CNBD1: variants seen among roughly 807,000 people sequenced by gnomAD.
CNBD1 encodes the protein cyclic nucleotide binding domain containing 1, also known as cyclic nucleotide-binding domain-containing protein 1.
A neutral mutation model predicts 54.4 loss-of-function variants in CNBD1; 71 were observed. That is an observed-to-expected ratio of 1.30 (90% CI 1.08 to 1.59). The LOEUF is 1.59. CNBD1 is among the 40% of genes most tolerant of loss of function. The pLI, the probability that CNBD1 is intolerant of heterozygous loss-of-function variation, is 0.00. For missense variants in CNBD1, 659 were observed against 518.0 expected (o/e 1.27, Z -2.64); for synonymous variants, 182 against 170.7 (o/e 1.07, Z -0.51).
chr8:87,052,832 G>T (rs1410436820), intron 4 of CNBD1, among the ~76,000 whole-genome samples: 2 of 152,146 alleles, frequency 1.3e-5, no homozygotes, highest in African/African-American at 2.4e-5. Context: ...ATATATCAGG[G>T]TCATCAGAGA....
At chr8:86,897,493 G>T (rs1808864306) in intron 2 of CNBD1, among the ~76,000 whole-genome samples, 1 of 152,108 alleles carries the variant, frequency 6.6e-6, no homozygotes, top group African/African-American at 2.4e-5. Flanking sequence ...GGCTAGAACT[G>T]CTAAGAAGGG....
chr8:87,099,163 T>G (rs967751752), intron 4 of CNBD1, among the ~76,000 whole-genome samples: 5 of 151,694 alleles, frequency 3.3e-5, no homozygotes, highest in African/African-American at 1.2e-4. Context: ...ATCAGCGCTA[T>G]TGTAGAAAAT....
chr8:87,325,988 G>A (rs1163369710), intron 8 of CNBD1, among the ~76,000 whole-genome samples: 1 of 105,860 alleles, frequency 9.4e-6, no homozygotes, highest in Non-Finnish European at 2.1e-5. Context: ...AGCTCTTTTA[G>A]GGCAGGCCTG....
chr8:87,183,620 G>A (rs527386245), intron 4 of CNBD1, among the ~76,000 whole-genome samples: 13 of 152,158 alleles, frequency 8.5e-5, no homozygotes, highest in Non-Finnish European at 1.8e-4. Flanking sequence ...TTTTAGAGTT[G>A]CCAGAATTCT....
At chr8:87,314,107 CT>C (rs993504684) in intron 8 of CNBD1, among the ~76,000 whole-genome samples, 6 of 150,568 alleles carry the variant, frequency 4.0e-5, no homozygotes, top group Admixed American at 1.3e-4. Context: ...GATGCCAATG[CT>C]TTTTTTTTCT....
intron 4 of CNBD1, among the ~76,000 whole-genome samples, chr8:87,028,321 C>A (rs999884783): frequency 6.6e-6 from 1 of 152,184 alleles, no homozygotes; most frequent in Admixed American, 6.5e-5. Context: ...GAGACAGAAA[C>A]TTGCTTCCAG....
chr8:86,875,641 T>C (rs1307524797), intron 1 of CNBD1, among the ~76,000 whole-genome samples: 2 of 152,162 alleles, frequency 1.3e-5, no homozygotes, highest in Non-Finnish European at 2.9e-5. Context: ...TTTGTAGCAC[T>C]AGTATATATC....
rs1160902772 is a variant in CNBD1 at position 87,103,518 on chromosome 8, G to A, written c.432-102475G>A. On this transcript the variant is annotated intron_variant, in intron 4 of 10. Coordinates refer to ENST00000518476, the MANE Select transcript of CNBD1 (RefSeq NM_173538.3). ...ACTCACAGTTCTGCAGGGCTAGAGA[G>A]GCCTCAGAAAACTTACAGTCACGGC... 8.5e-5 allele frequency among the ~76,000 whole-genome samples: 13 copies of A among 152,290 alleles called. No individual in the cohort carries two copies. In the East Asian group the frequency reaches 2.3e-3, roughly 27 times the overall value.
In CNBD1 at chr8:86,887,532, T is replaced by C; in HGVS notation, c.89-10T>C. The C allele has an allele frequency of 6.5e-7, 1 of 1,534,228 alleles. No homozygotes were observed. The highest frequency in any genetic ancestry group is 8.8e-7 in the Non-Finnish European group (1 of 1,133,676). On this transcript the variant is annotated splice_polypyrimidine_tract_variant and intron_variant, in intron 1 of 10. Coordinates refer to ENST00000518476, the MANE Select transcript of CNBD1 (RefSeq NM_173538.3). ...AAAATTACTCAAATTTTTAATTGAT[T>C]TTTTTTCAGACTTGAAAAAGTCTAA...
At chr8:87,170,594 C>T (rs957397005) in intron 4 of CNBD1, among the ~76,000 whole-genome samples, 4 of 152,022 alleles carry the variant, frequency 2.6e-5, no homozygotes, top group African/African-American at 7.2e-5. Context: ...GTCTGTCATA[C>T]GTGGCTTTCA....
rs142036396 is a variant in CNBD1, at chr8:86,888,361, G to A, written c.158+750G>A. 7.7e-3 allele frequency among the ~76,000 whole-genome samples: 1,167 copies of A among 152,178 alleles called. 13 individuals are homozygous for A. Among genetic ancestry groups the A allele is most frequent in the African/African-American group, 0.026 (1,083 of 41,518 alleles). ...ATATTGCTTGGATTTCTGTCAAGAG[G>A]GATCATTTTCCCCTGTGCATTGCTG... is the stretch of plus-strand genomic sequence containing the variant. On this transcript the variant is annotated intron_variant, in intron 2 of 10. Transcript: ENST00000518476.
At chr8:87,412,614 A>G (rs1807766482) in intron 2 of CNBD1, among the ~76,000 whole-genome samples, 1 of 152,120 alleles carries the variant, frequency 6.6e-6, no homozygotes, top group South Asian at 2.1e-4. Flanking sequence ...CTATGTTTTC[A>G]CATTTGTGTT....
At chr8:87,312,435 A>G (rs1407161714) in intron 8 of CNBD1, among the ~76,000 whole-genome samples, 3 of 152,044 alleles carry the variant, frequency 2.0e-5, no homozygotes, top group Non-Finnish European at 4.4e-5. Flanking sequence ...TCCCAAACAC[A>G]TGTTAATTCA....
intron 10 of CNBD1, among the ~76,000 whole-genome samples, chr8:87,381,850 G>A (rs533540098): frequency 6.6e-6 from 1 of 151,904 alleles, no homozygotes; most frequent in East Asian, 1.9e-4. Flanking sequence ...TTGAGGCATG[G>A]GAAATGGGAA....
chr8:87,284,414 C>T (rs182650702), intron 6 of CNBD1, among the ~76,000 whole-genome samples: 1 of 152,116 alleles, frequency 6.6e-6, no homozygotes, highest in Admixed American at 6.6e-5. Context: ...TGCTATATTC[C>T]AAGCACTCTA....
intron 2 of CNBD1, among the ~76,000 whole-genome samples, chr8:87,403,104 G>A (rs1455509171): frequency 6.7e-6 from 1 of 149,926 alleles, no homozygotes; most frequent in Non-Finnish European, 1.5e-5. Flanking sequence ...AAAATTGGTG[G>A]AATTAGAAGC....
intron 4 of CNBD1, among the ~76,000 whole-genome samples, chr8:87,039,010 G>A (rs1276644485): frequency 3.3e-5 from 5 of 152,120 alleles, no homozygotes; most frequent in Non-Finnish European, 7.4e-5. Context: ...GCTGTTAGCA[G>A]AACTCAGAAA....
chr8:87,091,283 T>G (rs1248499518), intron 4 of CNBD1, among the ~76,000 whole-genome samples: 1 of 152,200 alleles, frequency 6.6e-6, no homozygotes, highest in Non-Finnish European at 1.5e-5. Context: ...GCCTAATTCT[T>G]ACATAGGTTA....
At chr8:87,428,500 T>G (rs539511147) in intron 2 of CNBD1, 1 of 391,228 alleles carries the variant, frequency 2.6e-6, no homozygotes, top group African/African-American at 2.2e-5. Context: ...TTTATGAAGA[T>G]TATTTTTTTA....
Sources: gnomAD v4.1 joint callset for allele counts (sites outside exome capture counted in the v4.1 genomes callset) on GRCh38, gnomAD v4.1.1 for gene constraint, MANE v1.5 for transcripts, NCBI Gene and HGNC (gene_info 2026-07-23, HGNC 2026-07-21) for gene names.